ZFX: variants seen among roughly 807,000 people sequenced by gnomAD.
The protein encoded by ZFX is zinc finger X-chromosomal protein.
For missense variants in ZFX, 362 were observed against 628.3 expected, an observed-to-expected ratio of 0.58 and a Z score of 4.53; for synonymous variants, 196 against 226.8, an observed-to-expected ratio of 0.86 and a Z score of 1.22.
At chrX:24,208,868 G>A in intron 8 of ZFX, 32 bp from the exon 9 acceptor site, 1 of 1,167,132 alleles carries the variant, frequency 8.6e-7, no homozygotes. Context: ...TTATAATACT[G>A]TATAATTTTG....
intron 3 of ZFX, among the ~76,000 whole-genome samples, chrX:24,158,953 A>C (rs1317751592): frequency 9.1e-6 from 1 of 110,473 alleles, no homozygotes; most frequent in Non-Finnish European, 1.9e-5. Context: ...TGCTTTTGCT[A>C]CATCTATTGG....
intron 5 of ZFX, among the ~76,000 whole-genome samples, chrX:24,185,252 A>G (rs1936012239): frequency 9.0e-6 from 1 of 111,182 alleles, no homozygotes; most frequent in African/African-American, 3.3e-5. Context: ...GGTGTGAGCC[A>G]CCTTGCCCGG....
In ZFX at chrX:24,179,460, A is replaced by C. The variant is rs372586838; in HGVS notation, c.336A>C (p.Thr112=). The part of the protein sequence containing the change: ...VTEEVSLAHC[T]VPDDVLASDI... The stretch of plus-strand genomic sequence containing the variant: ...AAGAAGTTTCTTTAGCACATTGCAC[A>C]GTCCCAGATGATGTTTTAGCTTCTG... The change falls in exon 5 of 10, where the codon ACA becomes ACC. Residue 112 remains threonine, a synonymous_variant. Transcript: ENST00000304543. 20 of 1,211,147 alleles carry C rather than the reference A, an allele frequency of 1.7e-5. No homozygotes were observed. The highest frequency in any genetic ancestry group is 8.9e-5 in the East Asian group (3 of 33,853).
intron 5 of ZFX, among the ~76,000 whole-genome samples, chrX:24,192,710 AGACTT>A (rs1290236329): frequency 1.4e-4 from 15 of 110,283 alleles, no homozygotes; most frequent in Non-Finnish European, 2.8e-4. Flanking sequence ...AGTTCAAACT[AGACTT>A]GACAACATCG....
At chrX:24,156,241 C>T (rs1012808619) in intron 3 of ZFX, among the ~76,000 whole-genome samples, 9 of 112,065 alleles carry the variant, frequency 8.0e-5, no homozygotes, top group Non-Finnish European at 1.3e-4. Flanking sequence ...TGATTATATA[C>T]ACTGAAAATA....
chrX:24,209,122 C>T (rs774954169), intron 9 of ZFX, 82 bp downstream of exon 9: 91 of 1,182,866 alleles, frequency 7.7e-5, no homozygotes, highest in Non-Finnish European at 9.1e-5. Context: ...AGGGGTGTCA[C>T]AATGGCATTT....
Position 24,194,384 on chromosome X carries a change from G to A in ZFX, c.647-12942G>A, listed in dbSNP as rs775849461. ...CTGTTGGGGCCACTGTCCCTGTGGC[G>A]TTTGCACATTCTCCTCATGTCCATG... is the stretch of plus-strand genomic sequence containing the variant. On this transcript the variant is annotated intron_variant, in intron 5 of 9. Coordinates refer to ENST00000304543, the MANE Select transcript of ZFX (RefSeq NM_003410.4). 1.1e-4 allele frequency among the ~76,000 whole-genome samples: 12 copies of A among 110,919 alleles called. 1 individual carries two copies. The highest frequency in any genetic ancestry group is 2.8e-4 in the East Asian group (1 of 3,533).
chrX:24,197,728 T>C lies in ZFX; in HGVS notation c.647-9598T>C, dbSNP rs181880118. Among the ~76,000 whole-genome samples, 235 of 112,297 alleles carry C rather than the reference T, an allele frequency of 2.1e-3. 1 individual carries two copies. The highest frequency in any genetic ancestry group is 3.4e-3 in the Non-Finnish European group (180 of 53,236). ...CAAGCAAATCATAATCATACTGTTA[T>C]TTAGTGAACTTTAAGGATCAAGAAT... On this transcript the variant is annotated intron_variant, in intron 5 of 9. Transcript: ENST00000304543.
At chrX:24,206,550 TA>T (rs1362587546) in intron 5 of ZFX, among the ~76,000 whole-genome samples, 232 of 77,534 alleles carry the variant, frequency 3.0e-3, no homozygotes, top group African/African-American at 0.012. Flanking sequence ...TGTGTGTGTG[TA>T]TTTTTTTTTT....
chrX:24,164,232 G>C (rs972940933), intron 3 of ZFX, among the ~76,000 whole-genome samples: 1 of 110,906 alleles, frequency 9.0e-6, no homozygotes, highest in East Asian at 2.8e-4. Context: ...TTTCAAACCT[G>C]CCCCTGCATT....
At chrX:24,160,382 TTTGCCTCCCGGGTTCAAGCGATTCTC>T (rs1391230912) in intron 3 of ZFX, among the ~76,000 whole-genome samples, 1 of 104,067 alleles carries the variant, frequency 9.6e-6, no homozygotes, top group Admixed American at 1.1e-4. Context: ...CACTGTAACC[TTTGCCTCCCGGGTTCAAGCGATTCTC>T]TTGCCTCAGC....
At chrX:24,163,920 T>A (rs1208553406) in intron 3 of ZFX, among the ~76,000 whole-genome samples, 2 of 108,566 alleles carry the variant, frequency 1.8e-5, no homozygotes, top group African/African-American at 6.7e-5. Flanking sequence ...TTTCCGTCAC[T>A]GTGCTAGTGT....
intron 5 of ZFX, among the ~76,000 whole-genome samples, chrX:24,195,355 A>G (rs1378496189): frequency 8.3e-5 from 7 of 83,990 alleles, no homozygotes; most frequent in Non-Finnish European, 1.7e-4. Context: ...CACCGTGCCA[A>G]TTTTTTTTTT....
chrX:24,150,317 G>T (rs1332219272), intron 1 of ZFX, among the ~76,000 whole-genome samples: 4 of 108,232 alleles, frequency 3.7e-5, no homozygotes, highest in Non-Finnish European at 7.8e-5. Context: ...CAGCCCGTGA[G>T]GGGGGGTGGG....
intron 5 of ZFX, among the ~76,000 whole-genome samples, chrX:24,206,054 T>G (rs1165828593): frequency 3.6e-5 from 4 of 110,325 alleles, no homozygotes; most frequent in African/African-American, 6.6e-5. Context: ...AATGGGTATA[T>G]GAGAATATGT....
In ZFX at chrX:24,215,659, C is replaced by T. The variant is rs1420696175; in HGVS notation, c.*4283C>T. 5 of 111,127 alleles carry T rather than the reference C, an allele frequency of 4.5e-5. No individual in the cohort carries two copies. 9.2% of individuals were successfully genotyped at this position (111,127 alleles called of 1,213,427 possible). A position where few individuals can be genotyped will look rare whatever the true frequency, so the allele number is the denominator to read the frequency against. On this transcript the variant is annotated 3_prime_UTR_variant, in exon 10 of 10. Transcript: ENST00000304543. ...AGTGAGAGAAAAATAGGACCCCAGA[C>T]AGTTTATACCTTCCATTTGCTGTTT...
intron 3 of ZFX, among the ~76,000 whole-genome samples, chrX:24,166,120 G>T (rs114731700): frequency 0.025 from 2,855 of 112,371 alleles, 83 homozygotes; most frequent in African/African-American, 0.087. Context: ...TAGCTCATTG[G>T]TACAAGTAGG....
intron 5 of ZFX, among the ~76,000 whole-genome samples, chrX:24,186,617 C>T (rs182655965): frequency 9.2e-4 from 102 of 110,413 alleles, no homozygotes; most frequent in Middle Eastern, 4.7e-3. Context: ...AACGAGACCC[C>T]ATCTCTTAAA....
At chrX:24,174,378 C>T (rs1320242624) in intron 4 of ZFX, among the ~76,000 whole-genome samples, 6 of 103,983 alleles carry the variant, frequency 5.8e-5, no homozygotes, top group African/African-American at 2.1e-4. Flanking sequence ...AATTAAATGT[C>T]AGTGATTTTA....
Sources: gnomAD v4.1 joint callset for allele counts (sites outside exome capture counted in the v4.1 genomes callset) on GRCh38, gnomAD v4.1.1 for gene constraint, MANE v1.5 for transcripts, NCBI Gene and HGNC (gene_info 2026-07-23, HGNC 2026-07-21) for gene names.